The following SPOCK1 variants were observed in gnomAD, a reference collection of about 807,000 sequenced individuals.
SPOCK1 encodes testican-1.
A neutral mutation model predicts 55.3 loss-of-function variants in SPOCK1; 23 were observed. That is an observed-to-expected ratio of 0.42 (90% CI 0.30 to 0.59). The LOEUF is 0.59. Among genes scored for constraint, SPOCK1 ranks in the 20% least tolerant of loss-of-function variants. The pLI is 0.22. For synonymous variants in SPOCK1, 226 were observed against 221.0 expected, an observed-to-expected ratio of 1.02 and a Z score of -0.20; for missense variants, 499 against 552.5, an observed-to-expected ratio of 0.90 and a Z score of 0.97.
chr5:137,461,849 C>T (rs1255461805), intron 2 of SPOCK1, among the ~76,000 whole-genome samples: 1 of 152,110 alleles, frequency 6.6e-6, no homozygotes, highest in African/African-American at 2.4e-5. Flanking sequence ...TAAAAACTAC[C>T]CCCATTTCTG....
intron 2 of SPOCK1, among the ~76,000 whole-genome samples, chr5:137,482,247 C>T (rs1434789015): frequency 3.3e-5 from 5 of 152,214 alleles, no homozygotes; most frequent in African/African-American, 7.2e-5. Flanking sequence ...TGAGCAGCAG[C>T]TGTAGAAACA....
At chr5:137,357,835 T>A (rs1214849632) in intron 2 of SPOCK1, among the ~76,000 whole-genome samples, 1 of 152,218 alleles carries the variant, frequency 6.6e-6, no homozygotes, top group Non-Finnish European at 1.5e-5. Flanking sequence ...GGAACCCTTA[T>A]AATTCCCTCT....
intron 3 of SPOCK1, among the ~76,000 whole-genome samples, chr5:137,149,178 C>CCGT (rs776184907): frequency 2.6e-5 from 4 of 152,162 alleles, no homozygotes; most frequent in Non-Finnish European, 5.9e-5. Flanking sequence ...GTGGTTCCTT[C>CCGT]CGTGAGGGGT....
At chr5:137,197,870 A>G (rs1420933703) in intron 3 of SPOCK1, among the ~76,000 whole-genome samples, 1 of 152,228 alleles carries the variant, frequency 6.6e-6, no homozygotes, top group Non-Finnish European at 1.5e-5. Context: ...CAATCTATAT[A>G]AAGTACCTGA....
chr5:137,132,556 A>C (rs543780687), intron 4 of SPOCK1, among the ~76,000 whole-genome samples: 1 of 152,342 alleles, frequency 6.6e-6, no homozygotes, highest in East Asian at 1.9e-4. Context: ...ATGCCATTTT[A>C]CTGGAAATGG....
rs1752132114 is a variant in SPOCK1, at chr5:137,407,844, T to C, written c.186+90529A>G. Among the ~76,000 whole-genome samples, 5 of 152,142 alleles carry C rather than the reference T, an allele frequency of 3.3e-5. No homozygotes were observed. The South Asian group carries it at 1.0e-3, about 32-fold the overall frequency. The stretch of plus-strand genomic sequence containing the variant: ...TGTCAGGTCACATCATTTCCTAGAT[T>C]AAAACCCATTGGTGCTTTCCCCTAT... On this transcript the variant is annotated intron_variant, in intron 2 of 10. Coordinates refer to ENST00000394945, the MANE Select transcript of SPOCK1 (RefSeq NM_004598.4).
chr5:137,228,772 T>C (rs780158599), intron 3 of SPOCK1, among the ~76,000 whole-genome samples: 1 of 152,258 alleles, frequency 6.6e-6, no homozygotes, highest in Non-Finnish European at 1.5e-5. Context: ...ATATTTTAAA[T>C]ATGTTTTGCT....
intron 4 of SPOCK1, among the ~76,000 whole-genome samples, chr5:137,131,327 C>T (rs1256829594): frequency 2.0e-5 from 3 of 152,168 alleles, no homozygotes; most frequent in Non-Finnish European, 4.4e-5. Flanking sequence ...AAGATTATAT[C>T]GGCCAGGCGT....
intron 4 of SPOCK1, among the ~76,000 whole-genome samples, chr5:137,128,247 G>A (rs886106918): frequency 6.6e-6 from 1 of 152,134 alleles, no homozygotes; most frequent in African/African-American, 2.4e-5. Context: ...TTGGATTTTC[G>A]AGCCTCCAGA....
chr5:137,222,674 G>A (rs1755877335), intron 3 of SPOCK1, among the ~76,000 whole-genome samples: 1 of 152,162 alleles, frequency 6.6e-6, no homozygotes, highest in Non-Finnish European at 1.5e-5. Context: ...ATTTATGTGT[G>A]GGTTTAATCA....
chr5:137,084,983 A>G (rs894482252), intron 5 of SPOCK1, among the ~76,000 whole-genome samples: 1 of 149,922 alleles, frequency 6.7e-6, no homozygotes, highest in Non-Finnish European at 1.5e-5. Flanking sequence ...GAATTGCACC[A>G]TCACACACAT....
chr5:137,332,287 G>A (rs961117234), intron 2 of SPOCK1, among the ~76,000 whole-genome samples: 1 of 152,036 alleles, frequency 6.6e-6, no homozygotes, highest in Admixed American at 6.6e-5. Context: ...CTTGTGAGAG[G>A]GCTTCCTGCC....
chr5:136,980,181 C>CAAA (rs11288318), intron 9 of SPOCK1, among the ~76,000 whole-genome samples: 58 of 134,458 alleles, frequency 4.3e-4, no homozygotes, highest in African/African-American at 1.5e-3. Flanking sequence ...TGTTTGCAGG[C>CAAA]AAAAAAAAAA....
chr5:137,197,541 A>C (rs750242210), intron 3 of SPOCK1, among the ~76,000 whole-genome samples: 1 of 152,236 alleles, frequency 6.6e-6, no homozygotes, highest in Non-Finnish European at 1.5e-5. Flanking sequence ...CATGCCTGCC[A>C]CAGGAAATTC....
At chr5:137,448,542 A>G (rs749700936) in intron 2 of SPOCK1, among the ~76,000 whole-genome samples, 4 of 152,184 alleles carry the variant, frequency 2.6e-5, no homozygotes, top group African/African-American at 9.7e-5. Flanking sequence ...CCAGGACTCA[A>G]TGATTTCTTT....
chr5:137,176,774 A>G (rs1754860845), intron 3 of SPOCK1, among the ~76,000 whole-genome samples: 1 of 152,156 alleles, frequency 6.6e-6, no homozygotes, highest in Admixed American at 6.5e-5. Context: ...TAAACTGCAT[A>G]TGGAGCTAAT....
chr5:137,287,310 G>T (rs979383033), intron 2 of SPOCK1, among the ~76,000 whole-genome samples: 20 of 152,128 alleles, frequency 1.3e-4, no homozygotes, highest in African/African-American at 4.6e-4. Context: ...AGACCTTCTG[G>T]TCATAACTTG....
At chr5:137,325,496 A>C (rs1758058444) in intron 2 of SPOCK1, among the ~76,000 whole-genome samples, 1 of 152,228 alleles carries the variant, frequency 6.6e-6, no homozygotes, top group East Asian at 1.9e-4. Flanking sequence ...TTCTGCGTAC[A>C]TGCTTCCTAA....
Position 137,355,971 on chromosome 5 carries a change from C to T in SPOCK1, c.187-88916G>A, listed in dbSNP as rs1425098964. Among the ~76,000 whole-genome samples the T allele has an allele frequency of 2.6e-5, 4 of 152,166 alleles. No homozygotes were observed. The East Asian group carries it at 7.7e-4, about 29-fold the overall frequency. On this transcript the variant is annotated intron_variant, in intron 2 of 10. Transcript: ENST00000394945. ...CGCTCCTCCTGGGAAGCCACAGACT[C>T]GGGGAGAGGCTCAGTTCTTCCAGCC...
Sources: allele counts gnomAD v4.1 joint callset (sites outside exome capture counted in the v4.1 genomes callset), GRCh38; gene constraint gnomAD v4.1.1; transcripts MANE v1.5; gene names NCBI Gene and HGNC (gene_info 2026-07-23, HGNC 2026-07-21).